Variants in RYR3 observed in about 807,000 individuals in gnomAD.
The protein encoded by RYR3 is brain ryanodine receptor-calcium release channel.
RYR3 carries 207 observed loss-of-function variants against 584.3 expected under a neutral mutation model. The observed-to-expected ratio is 0.35, with a 90% confidence interval of 0.32 to 0.40. The LOEUF is 0.40. Ranked by LOEUF, RYR3 falls within the 10% of genes least tolerant of loss-of-function variation. RYR3 has a pLI of 1.00. For missense variants in RYR3, 5,616 were observed against 6,089.2 expected (o/e 0.92, Z 2.59); for synonymous variants, 2,416 against 2,248.5 (o/e 1.07, Z -2.11).
At position 33,498,227 on chromosome 15, in the gene RYR3, G is replaced by C. The variant is rs575565787; in HGVS notation, c.172-5404G>C. Among the ~76,000 whole-genome samples, 56 of 152,184 alleles carry C rather than the reference G, an allele frequency of 3.7e-4. 1 individual carries two copies. The South Asian group carries it at 0.011, about 30-fold the overall frequency. On this transcript the variant is annotated intron_variant, in intron 2 of 103. Coordinates refer to ENST00000634891, the MANE Select transcript of RYR3 (RefSeq NM_001036.6). ...TTTTCTGTTCAGTAGTGGGATTGCT[G>C]GATCATATGGTAGTTGTGTTTTAAG... is the stretch of plus-strand genomic sequence containing the variant.
rs200841538 is a variant in RYR3 at position 33,848,377 on chromosome 15, A to G, written c.13584A>G (p.Glu4528=). 6.5e-5 allele frequency: 105 copies of G among 1,613,730 alleles called. No homozygotes were observed. The African/African-American group carries it at 1.3e-3, about 19-fold the overall frequency. ...DGLYITEQPS[E]DDIKGQWDRL... ...TATATATCACCGAACAGCCATCTGA[A>G]GATGACATCAAGGGGCAGTGGGACC... The change falls in exon 94 of 104, where the codon GAA becomes GAG. Residue 4528 remains glutamate, a synonymous_variant. Transcript: ENST00000634891.
rs1052040358 is a variant in RYR3, at chr15:33,756,322, T to C, written c.8532T>C (p.Ser2844=). Residue 2844 remains serine (S), a synonymous_variant, in exon 59 of 104, where the codon AGT becomes AGC. Transcript: ENST00000634891. ...TCTTCGTAGAAGCCATTGTCAGCAG[T>C]GGGAAAACTGAAAAGTCTCCCCGTG... ...FIAHLEAIVS[S]GKTEKSPRDQ... 2 of 1,580,152 alleles carry C rather than the reference T, an allele frequency of 1.3e-6. No individual in the cohort carries two copies. The highest frequency in any genetic ancestry group is 1.7e-6 in the Non-Finnish European group (2 of 1,162,020).
At chr15:33,453,738 G>A (rs2047323323) in intron 1 of RYR3, among the ~76,000 whole-genome samples, 1 of 152,164 alleles carries the variant, frequency 6.6e-6, no homozygotes, top group African/African-American at 2.4e-5. Context: ...AGAAAAATAA[G>A]GATGTTTTTT....
intron 1 of RYR3, among the ~76,000 whole-genome samples, chr15:33,366,999 A>G (rs1185615572): frequency 2.0e-5 from 3 of 152,236 alleles, no homozygotes; most frequent in Non-Finnish European, 4.4e-5. Flanking sequence ...AGCGTGGCCA[A>G]TTTAGCACTG....
chr15:33,658,212 C>G (rs964629436), intron 32 of RYR3, among the ~76,000 whole-genome samples: 1 of 152,194 alleles, frequency 6.6e-6, no homozygotes, highest in African/African-American at 2.4e-5. Flanking sequence ...AGCTCAGTAT[C>G]TTCTTCCATG....
At chr15:33,716,250 A>G (rs2060394770) in intron 43 of RYR3, among the ~76,000 whole-genome samples, 1 of 152,190 alleles carries the variant, frequency 6.6e-6, no homozygotes, top group Non-Finnish European at 1.5e-5. Flanking sequence ...ACTCAGCCTC[A>G]GGTATTTTTT....
chr15:33,860,707 G>C (rs780625161), intron 101 of RYR3, 48 bp downstream of exon 101: 2 of 1,305,238 alleles, frequency 1.5e-6, no homozygotes. Context: ...AATATCCCCA[G>C]AAGCAAATAG....
At chr15:33,828,425 C>T (rs929974755) in intron 85 of RYR3, among the ~76,000 whole-genome samples, 4 of 152,218 alleles carry the variant, frequency 2.6e-5, no homozygotes, top group African/African-American at 9.6e-5. Flanking sequence ...AAAGCTAAGA[C>T]AGGCCAAAGG....
At chr15:33,848,201 A>C (rs2078846808) in intron 93 of RYR3, 90 bp from the exon 94 acceptor site, 1 of 1,516,814 alleles carries the variant, frequency 6.6e-7, no homozygotes, top group East Asian at 2.3e-5. Context: ...GCTGCTCTGA[A>C]GTTGGAAGGT....
chr15:33,718,128 C>G (rs2067639275), intron 43 of RYR3, among the ~76,000 whole-genome samples: 3 of 152,224 alleles, frequency 2.0e-5, no homozygotes, highest in Admixed American at 1.3e-4. Context: ...TCAGTACATT[C>G]ATTCATGCTG....
chr15:33,516,067 T>G, intron 3 of RYR3, among the ~76,000 whole-genome samples: 1 of 152,318 alleles, frequency 6.6e-6, no homozygotes, highest in East Asian at 1.9e-4. Context: ...AAAACCTTTA[T>G]TATGATATTT....
intron 16 of RYR3, among the ~76,000 whole-genome samples, chr15:33,595,508 T>G (rs28844592): frequency 1.3e-5 from 2 of 151,946 alleles, no homozygotes; most frequent in Non-Finnish European, 2.9e-5. Context: ...ACTGCACTTA[T>G]TTTATCTTTC....
intron 3 of RYR3, among the ~76,000 whole-genome samples, chr15:33,507,673 G>T (rs1459808331): frequency 6.6e-6 from 1 of 152,098 alleles, no homozygotes. Context: ...TCATCCTACA[G>T]AAATGACTTT....
At chr15:33,432,096 A>T (rs1167624859) in intron 1 of RYR3, among the ~76,000 whole-genome samples, 1 of 152,146 alleles carries the variant, frequency 6.6e-6, no homozygotes, top group African/African-American at 2.4e-5. Context: ...TGACTCATAG[A>T]TGTCTTACAA....
chr15:33,767,274 C>T (rs1438902489), intron 60 of RYR3, among the ~76,000 whole-genome samples: 2 of 152,070 alleles, frequency 1.3e-5, no homozygotes, highest in Non-Finnish European at 1.5e-5. Context: ...ACAGGGTTAG[C>T]CCCTCGCTTC....
chr15:33,794,453 C>A (rs1450807927), intron 67 of RYR3, among the ~76,000 whole-genome samples: 1 of 150,088 alleles, frequency 6.7e-6, no homozygotes, highest in Non-Finnish European at 1.5e-5. Context: ...TCATTTTAGT[C>A]ATTTCCCATA....
intron 1 of RYR3, among the ~76,000 whole-genome samples, chr15:33,363,133 T>C (rs1273428589): frequency 1.3e-5 from 2 of 152,200 alleles, no homozygotes; most frequent in Non-Finnish European, 2.9e-5. Flanking sequence ...AAGGGTGCCA[T>C]GTGTACCAGT....
At chr15:33,385,084 T>G (rs1265092089) in intron 1 of RYR3, among the ~76,000 whole-genome samples, 1 of 152,236 alleles carries the variant, frequency 6.6e-6, no homozygotes, top group Non-Finnish European at 1.5e-5. Flanking sequence ...AATCAAATTT[T>G]TTATGTCACT....
At chr15:33,514,739 C>T (rs1029864249) in intron 3 of RYR3, among the ~76,000 whole-genome samples, 3 of 152,010 alleles carry the variant, frequency 2.0e-5, no homozygotes, top group Non-Finnish European at 2.9e-5. Flanking sequence ...CGGTGGCTCA[C>T]ACCTGTAATC....
Sources: gnomAD v4.1 joint callset for allele counts (sites outside exome capture counted in the v4.1 genomes callset) on GRCh38, gnomAD v4.1.1 for gene constraint, MANE v1.5 for transcripts, NCBI Gene and HGNC (gene_info 2026-07-23, HGNC 2026-07-21) for gene names.